The following EFL1 variants were observed in gnomAD, a reference collection of about 807,000 sequenced individuals.
EFL1 encodes elongation factor like GTPase 1.
A neutral mutation model predicts 126.7 loss-of-function variants in EFL1; 76 were observed. That is an observed-to-expected ratio of 0.60 (90% CI 0.50 to 0.73). EFL1 has a LOEUF of 0.73. Among genes scored for constraint, EFL1 ranks in the 30% least tolerant of loss-of-function variants. EFL1 has a pLI of 0.00. For synonymous variants in EFL1, 410 were observed against 448.4 expected, an observed-to-expected ratio of 0.91 and a Z score of 1.08; for missense variants, 1,128 against 1,343.2, an observed-to-expected ratio of 0.84 and a Z score of 2.50.
intron 7 of EFL1, 75 bp from the exon 8 acceptor site, chr15:82,231,046 C>A: frequency 6.6e-7 from 1 of 1,511,554 alleles, no homozygotes; most frequent in Non-Finnish European, 8.9e-7. Flanking sequence ...GTTCAAACTT[C>A]TTTACACGTG....
chr15:82,164,933 G>C (rs183802613), intron 15 of EFL1, among the ~76,000 whole-genome samples: 1 of 150,324 alleles, frequency 6.7e-6, no homozygotes, highest in South Asian at 2.1e-4. Flanking sequence ...GAGGCATATT[G>C]AATCTCACAC....
chr15:82,196,014 CTGGCAA>C (rs1482157072), intron 15 of EFL1, among the ~76,000 whole-genome samples: 1 of 152,096 alleles, frequency 6.6e-6, no homozygotes, highest in Non-Finnish European at 1.5e-5. Flanking sequence ...TGACATTTAG[CTGGCAA>C]TGAAGGGAGA....
At chr15:82,169,331 G>A (rs541509645) in intron 15 of EFL1, among the ~76,000 whole-genome samples, 127 of 152,192 alleles carry the variant, frequency 8.3e-4, no homozygotes, top group African/African-American at 2.8e-3. Context: ...CTCCATTTGG[G>A]TCAGTCTGTT....
At chr15:82,147,183 A>G (rs2073856199) in intron 18 of EFL1, among the ~76,000 whole-genome samples, 1 of 152,202 alleles carries the variant, frequency 6.6e-6, no homozygotes. Context: ...TTCCCAGAAA[A>G]CAAAGGACAA....
At chr15:82,193,845 CTT>C (rs969288575) in intron 15 of EFL1, among the ~76,000 whole-genome samples, 3 of 152,150 alleles carry the variant, frequency 2.0e-5, no homozygotes, top group African/African-American at 7.2e-5. Context: ...TTCAAGAACT[CTT>C]TACATGCCGT....
intron 18 of EFL1, among the ~76,000 whole-genome samples, chr15:82,150,319 A>C (rs1296655401): frequency 6.6e-6 from 1 of 152,202 alleles, no homozygotes; most frequent in Non-Finnish European, 1.5e-5. Context: ...AAAAGAATGT[A>C]ATTAACCACA....
intron 14 of EFL1, among the ~76,000 whole-genome samples, chr15:82,218,470 T>C (rs190711884): frequency 6.6e-6 from 1 of 152,298 alleles, no homozygotes. Flanking sequence ...AGAGATAAAG[T>C]GGATTGTTCA....
In EFL1 at chr15:82,166,245, G is replaced by C. The variant is rs1249827137; in HGVS notation, c.1751-2261C>G. 2.0e-5 allele frequency among the ~76,000 whole-genome samples: 3 copies of C among 152,268 alleles called. No homozygotes were observed. In the East Asian group the frequency reaches 5.8e-4, roughly 29 times the overall value. The stretch of plus-strand genomic sequence containing the variant: ...ATTACCAGGGATGCAGACTGCAGAT[G>C]GTCAGTATATTTTAAACACTGTCTC... On this transcript the variant is annotated intron_variant, in intron 15 of 19. Coordinates refer to ENST00000268206, the MANE Select transcript of EFL1 (RefSeq NM_024580.6).
Position 82,252,700 on chromosome 15 carries a change from A to G in EFL1, c.235T>C (p.Tyr79His), listed in dbSNP as rs2075033379. 2 of 1,611,870 alleles carry G rather than the reference A, an allele frequency of 1.2e-6. No homozygotes were observed. The highest frequency in any genetic ancestry group is 4.5e-5 in the East Asian group (2 of 44,870). Residue 79 changes from tyrosine (Y) to histidine (H), a missense_variant, in exon 4 of 20, where the codon TAT becomes CAT. Transcript: ENST00000268206. ...ACACAGACTGATTTACCTGTTGCAT[A>G]ATGTAGGGAAATGGCACTGGATTTC... is the stretch of plus-strand genomic sequence containing the variant. ...TMKSSAISLH[Y>H]ATGNEEYLIN...
chr15:82,239,710 C>T (rs1451375757), intron 6 of EFL1, among the ~76,000 whole-genome samples: 1 of 152,186 alleles, frequency 6.6e-6, no homozygotes, highest in Non-Finnish European at 1.5e-5. Context: ...AAATGAAACA[C>T]TGTACTGTGC....
At chr15:82,159,090 G>T (rs2073996285) in intron 16 of EFL1, among the ~76,000 whole-genome samples, 1 of 152,150 alleles carries the variant, frequency 6.6e-6, no homozygotes, top group African/African-American at 2.4e-5. Flanking sequence ...ACGGAAAGTG[G>T]GATTTCACTG....
intron 12 of EFL1, among the ~76,000 whole-genome samples, chr15:82,222,473 A>AC (rs1433326862): frequency 1.3e-5 from 2 of 152,204 alleles, no homozygotes; most frequent in African/African-American, 2.4e-5. Flanking sequence ...GTATTTGTTC[A>AC]CTTGCAGATT....
chr15:82,155,175 T>C (rs969961903), intron 17 of EFL1, among the ~76,000 whole-genome samples: 3 of 152,276 alleles, frequency 2.0e-5, no homozygotes, highest in South Asian at 4.1e-4. Flanking sequence ...ATTTAAATGT[T>C]TGAGTTGTTT....
At chr15:82,133,810 T>A (rs1041952570) in intron 19 of EFL1, among the ~76,000 whole-genome samples, 4 of 152,192 alleles carry the variant, frequency 2.6e-5, no homozygotes, top group African/African-American at 9.7e-5. Context: ...AGGGGTGGTG[T>A]CTGTTTCCTC....
chr15:82,141,724 G>C (rs2141216911), intron 18 of EFL1, among the ~76,000 whole-genome samples: 1 of 149,476 alleles, frequency 6.7e-6, no homozygotes, highest in East Asian at 2.0e-4. Flanking sequence ...TTTGAAGGTA[G>C]TTTATGGAAG....
At position 82,168,541 on chromosome 15, in the gene EFL1, C is replaced by T. The variant is rs193080744; in HGVS notation, c.1751-4557G>A. 1.5e-4 allele frequency among the ~76,000 whole-genome samples: 23 copies of T among 152,318 alleles called. No individual in the cohort carries two copies. The East Asian group carries it at 2.1e-3, about 14-fold the overall frequency. On this transcript the variant is annotated intron_variant, in intron 15 of 19. Coordinates refer to ENST00000268206, the MANE Select transcript of EFL1 (RefSeq NM_024580.6). ...TCTGTTTGTTTTTGAGACGGAATCT[C>T]GCCCTGTTGCCCAGACTGGAGTGCT...
intron 18 of EFL1, among the ~76,000 whole-genome samples, chr15:82,140,076 G>A (rs1018854722): frequency 6.6e-6 from 1 of 152,128 alleles, no homozygotes; most frequent in African/African-American, 2.4e-5. Context: ...AATCTCTGAT[G>A]AGCCTTCACC....
intron 18 of EFL1, among the ~76,000 whole-genome samples, chr15:82,148,511 T>C (rs2073873375): frequency 6.6e-6 from 1 of 152,220 alleles, no homozygotes; most frequent in Non-Finnish European, 1.5e-5. Flanking sequence ...AGTATCATGT[T>C]ACAGAGGATA....
At chr15:82,155,567 T>A (rs1181398544) in intron 17 of EFL1, among the ~76,000 whole-genome samples, 3 of 152,164 alleles carry the variant, frequency 2.0e-5, no homozygotes, top group African/African-American at 4.8e-5. Context: ...TTTGCCTAGC[T>A]TTGTGTTGTG....
Sources: allele counts gnomAD v4.1 joint callset (sites outside exome capture counted in the v4.1 genomes callset), GRCh38; gene constraint gnomAD v4.1.1; transcripts MANE v1.5; gene names NCBI Gene and HGNC (gene_info 2026-07-23, HGNC 2026-07-21).